Variants in OR3A2 observed in about 807,000 individuals in gnomAD.
OR3A2 encodes olfactory receptor family 3 subfamily A member 2, also known as olfactory receptor 3A2.
For synonymous variants in OR3A2, 126 were observed against 159.3 expected (o/e 0.79, Z 1.57); for missense variants, 318 against 392.8 (o/e 0.81, Z 1.61).
exon 2 of OR3A2, chr17:3,278,544 C>T (rs768256240): frequency 2.1e-5 from 34 of 1,612,644 alleles, no homozygotes; most frequent in East Asian, 6.7e-5. Flanking sequence ...GGCCAGGAGT[C>T]GGTCATAGGC....
chr17:3,331,024 A>C (rs1037727692), intron 3 of OR3A2, among the ~76,000 whole-genome samples: 55 of 152,202 alleles, frequency 3.6e-4, no homozygotes, highest in African/African-American at 1.3e-3. Flanking sequence ...TTTCTTTAAG[A>C]ATGTTGACTA....
intron 2 of OR3A2, among the ~76,000 whole-genome samples, chr17:3,342,331 TG>T (rs1348398717): frequency 1.3e-5 from 2 of 152,262 alleles, no homozygotes; most frequent in Non-Finnish European, 2.9e-5. Flanking sequence ...TGCAATCCTT[TG>T]GAGGAGAAGA....
intron 3 of OR3A2, among the ~76,000 whole-genome samples, chr17:3,297,850 A>C (rs1329361169): frequency 6.6e-6 from 1 of 152,094 alleles, no homozygotes; most frequent in Admixed American, 6.6e-5. Flanking sequence ...GATGAGCTGG[A>C]GTTTGTGCAA....
At chr17:3,369,308 T>G (rs992801579) in intron 2 of OR3A2, among the ~76,000 whole-genome samples, 5 of 152,210 alleles carry the variant, frequency 3.3e-5, no homozygotes, top group African/African-American at 1.2e-4. Flanking sequence ...CATCCTTGTC[T>G]TGTTCCAGTT....
chr17:3,317,984 C>T (rs1173084203), intron 3 of OR3A2, among the ~76,000 whole-genome samples: 4 of 152,156 alleles, frequency 2.6e-5, no homozygotes, highest in African/African-American at 9.7e-5. Flanking sequence ...GGGATCCACA[C>T]CACTTCAGTT....
At chr17:3,323,120 A>T (rs531793061) in intron 3 of OR3A2, among the ~76,000 whole-genome samples, 1 of 152,068 alleles carries the variant, frequency 6.6e-6, no homozygotes, top group African/African-American at 2.4e-5. Context: ...TTTACCGTTA[A>T]GTAATGGCCT....
chr17:3,377,906 T>C (rs1443608668), intron 2 of OR3A2, among the ~76,000 whole-genome samples: 1 of 152,220 alleles, frequency 6.6e-6, no homozygotes, highest in Non-Finnish European at 1.5e-5. Flanking sequence ...AAGTGAGACA[T>C]ATAACCACCT....
intron 2 of OR3A2, chr17:3,377,692 G>C (rs1257233730): frequency 6.6e-6 from 1 of 152,304 alleles, no homozygotes; most frequent in Non-Finnish European, 1.5e-5. Flanking sequence ...CTGGGGAAAA[G>C]AAGACTCTGA....
Position 3,364,916 on chromosome 17 carries a change from TAA to T in OR3A2, c.-179+18886_-179+18887del, listed in dbSNP as rs60677788. On this transcript the variant is annotated intron_variant, in intron 2 of 4. Transcript: ENST00000573491. ...TAAGCAGAACATATAAGCACTAAGG[TAA>T]AAAAAAAAAAGCAATTAATTACAGG... Among the ~76,000 whole-genome samples, 856 of 148,404 alleles carry T rather than the reference TAA, an allele frequency of 5.8e-3. 6 individuals carry two copies. The highest frequency in any genetic ancestry group is 0.018 in the African/African-American group (711 of 40,598).
At chr17:3,310,691 G>A (rs1453009171) in intron 3 of OR3A2, 1 of 544,914 alleles carries the variant, frequency 1.8e-6, no homozygotes, top group Non-Finnish European at 3.7e-6. Flanking sequence ...ACCGCTATCT[G>A]GCCATCTGCC....
chr17:3,374,073 G>C (rs1405921136), intron 2 of OR3A2, among the ~76,000 whole-genome samples: 1 of 152,136 alleles, frequency 6.6e-6, no homozygotes. Flanking sequence ...AGTTTTGCTG[G>C]ATACAAAATT....
exon 2 of OR3A2, chr17:3,277,967 C>G (rs374524827): frequency 7.5e-5 from 120 of 1,590,382 alleles, no homozygotes; most frequent in Non-Finnish European, 1.0e-4. Flanking sequence ...ACCCCATTAC[C>G]TCTCAGGTCA....
At chr17:3,372,391 A>G (rs1311209549) in intron 2 of OR3A2, among the ~76,000 whole-genome samples, 5 of 122,142 alleles carry the variant, frequency 4.1e-5, no homozygotes, top group Admixed American at 1.5e-4. Flanking sequence ...GGGCGGCCAG[A>G]CAGAGACGCT....
rs189269198 is a variant in OR3A2, at chr17:3,358,041, T to C, written c.-178-21915A>G. Among the ~76,000 whole-genome samples, 272 of 151,796 alleles carry C rather than the reference T, an allele frequency of 1.8e-3. 5 individuals are homozygous for C. Among genetic ancestry groups the C allele is most frequent in the Middle Eastern group, 6.8e-3 (2 of 294 alleles). Reference sequence around the variant, plus strand: ...AATTTTTCCTAGAAGCATTTTCTGATCCAGACGAGGTCTCGAAGAGGCTGA... The same window carrying C: ...AATTTTTCCTAGAAGCATTTTCTGACCCAGACGAGGTCTCGAAGAGGCTGA... On this transcript the variant is annotated intron_variant, in intron 2 of 4. Coordinates refer to the OR3A2 transcript ENST00000573491.
At chr17:3,317,904 A>T (rs761175387) in intron 3 of OR3A2, among the ~76,000 whole-genome samples, 1 of 152,180 alleles carries the variant, frequency 6.6e-6, no homozygotes, top group East Asian at 1.9e-4. Flanking sequence ...CTAGTGAAGA[A>T]TTCAGGCCTG....
intron 3 of OR3A2, among the ~76,000 whole-genome samples, chr17:3,324,684 A>G (rs1368754946): frequency 6.6e-6 from 1 of 152,038 alleles, no homozygotes; most frequent in Non-Finnish European, 1.5e-5. Flanking sequence ...GATTTGGTGA[A>G]CCGCAAATGC....
chr17:3,293,179 G>C (rs1187199862), intron 3 of OR3A2, among the ~76,000 whole-genome samples: 2 of 151,816 alleles, frequency 1.3e-5, no homozygotes, highest in Non-Finnish European at 2.9e-5. Context: ...GTGGGTAGGG[G>C]GAGGCAATCA....
At chr17:3,362,202 G>A (rs61308830) in intron 2 of OR3A2, among the ~76,000 whole-genome samples, 1,842 of 151,132 alleles carry the variant, frequency 0.012, 96 homozygotes, top group African/African-American at 0.041. Flanking sequence ...GTTTATTTGC[G>A]TAGAGATGTT....
At chr17:3,356,912 A>T (rs2049469647) in intron 2 of OR3A2, among the ~76,000 whole-genome samples, 2 of 151,724 alleles carry the variant, frequency 1.3e-5, no homozygotes, top group African/African-American at 2.4e-5. Flanking sequence ...GAAGTTTCTC[A>T]TTAAGTACTA....
Sources: allele counts gnomAD v4.1 joint callset (sites outside exome capture counted in the v4.1 genomes callset), GRCh38; gene constraint gnomAD v4.1.1; transcripts MANE v1.5; gene names NCBI Gene and HGNC (gene_info 2026-07-23, HGNC 2026-07-21).